Variants in AOPEP observed in about 807,000 individuals in gnomAD.
The protein encoded by AOPEP is aminopeptidase O.
A neutral mutation model predicts 98.1 loss-of-function variants in AOPEP; 77 were observed. The ratio of observed to expected loss-of-function variants is 0.78; its 90% CI spans 0.65 to 0.95. AOPEP has a LOEUF of 0.95. Ranked by LOEUF, AOPEP falls within the 40% of genes least tolerant of loss-of-function variation. The pLI is 0.00. For synonymous variants in AOPEP, 346 were observed against 365.3 expected, an observed-to-expected ratio of 0.95 and a Z score of 0.60; for missense variants, 1,024 against 1,024.7, an observed-to-expected ratio of 1.00 and a Z score of 0.01.
Position 94,759,739 on chromosome 9 carries a change from C to A in AOPEP, c.-45C>A, listed in dbSNP as rs1010455204. 1.2e-5 allele frequency: 17 copies of A among 1,443,182 alleles called. No homozygotes were observed. The highest frequency in any genetic ancestry group is 1.5e-5 in the Non-Finnish European group (16 of 1,049,548). The allele number at this position is 1,443,182 out of a possible 1,614,324, so 89.4% of individuals were successfully genotyped here. ...CTGGAAGATTAAGGCAGATAGGAAACCCCATCTGAGATTTTAATAAATCCC... is the reference window on the plus strand; with the variant it reads ...CTGGAAGATTAAGGCAGATAGGAAAACCCATCTGAGATTTTAATAAATCCC... On this transcript the variant is annotated 5_prime_UTR_variant, in exon 2 of 17. Coordinates refer to ENST00000375315, the MANE Select transcript of AOPEP (RefSeq NM_001193329.3).
At chr9:95,010,083 A>G (rs543056525) in intron 13 of AOPEP, among the ~76,000 whole-genome samples, 1 of 152,202 alleles carries the variant, frequency 6.6e-6, no homozygotes, top group Non-Finnish European at 1.5e-5. Context: ...ATTCAGATTT[A>G]AAAAATTGTA....
intron 13 of AOPEP, among the ~76,000 whole-genome samples, chr9:95,045,098 G>T (rs546204238): frequency 7.9e-5 from 12 of 152,228 alleles, no homozygotes; most frequent in Non-Finnish European, 1.5e-4. Context: ...GCGTCACAGC[G>T]CTTGTGCCCA....
At chr9:95,043,459 A>G (rs995351581) in intron 13 of AOPEP, among the ~76,000 whole-genome samples, 13 of 152,266 alleles carry the variant, frequency 8.5e-5, no homozygotes, top group African/African-American at 2.9e-4. Flanking sequence ...TTTGAAGGAA[A>G]TTGGCATTTC....
chr9:95,101,683 G>A, the AOPEP span: 33 of 1,612,720 alleles, frequency 2.0e-5, 1 homozygote, highest in South Asian at 3.4e-4. Context: ...CTCACGCCGG[G>A]CACCCACACG....
intron 14 of AOPEP, among the ~76,000 whole-genome samples, chr9:95,077,580 ACTGGACAGCTGT>A (rs1471181599): frequency 6.6e-6 from 1 of 152,212 alleles, no homozygotes; most frequent in Non-Finnish European, 1.5e-5. Flanking sequence ...AGACCTCTAG[ACTGGACAGCTGT>A]CCTCTGGTGG....
intron 5 of AOPEP, among the ~76,000 whole-genome samples, chr9:94,826,148 C>T (rs868354027): frequency 1.6e-4 from 25 of 152,144 alleles, no homozygotes; most frequent in African/African-American, 6.0e-4. Flanking sequence ...GGGCAGGGCA[C>T]CAGAACATGC....
intron 7 of AOPEP, among the ~76,000 whole-genome samples, chr9:94,953,912 G>T (rs2058280794): frequency 6.6e-6 from 1 of 152,088 alleles, no homozygotes; most frequent in Non-Finnish European, 1.5e-5. Context: ...TGGCCCAAAG[G>T]ATCTGTTACA....
At chr9:94,889,415 A>T (rs534463401) in intron 5 of AOPEP, among the ~76,000 whole-genome samples, 61 of 152,344 alleles carry the variant, frequency 4.0e-4, no homozygotes, top group African/African-American at 1.4e-3. Context: ...ACCACCAAAG[A>T]CATTTGGACA....
chr9:94,984,927 G>A (rs549146533), intron 11 of AOPEP, among the ~76,000 whole-genome samples: 152 of 152,324 alleles, frequency 1.0e-3, no homozygotes, highest in African/African-American at 3.6e-3. Context: ...CCACAGGTAC[G>A]GGGCGGGAGT....
intron 5 of AOPEP, among the ~76,000 whole-genome samples, chr9:94,906,647 A>T (rs1173140219): frequency 1.3e-5 from 2 of 152,072 alleles, no homozygotes; most frequent in African/African-American, 4.8e-5. Context: ...CAATCTGGGT[A>T]ACAGAGTGAG....
chr9:94,932,934 G>A (rs1290911006), intron 7 of AOPEP: 10 of 985,280 alleles, frequency 1.0e-5, no homozygotes, highest in Non-Finnish European at 1.2e-5. Flanking sequence ...GTGGCTACAG[G>A]CTTCTGAGGC....
At chr9:94,870,092 G>T (rs1172699675) in intron 5 of AOPEP, among the ~76,000 whole-genome samples, 1 of 148,824 alleles carries the variant, frequency 6.7e-6, no homozygotes, top group Non-Finnish European at 1.5e-5. Context: ...GGGTTCAAGC[G>T]ATTCTCCTGC....
chr9:94,839,223 C>CT (rs893868060), intron 5 of AOPEP, among the ~76,000 whole-genome samples: 12 of 151,904 alleles, frequency 7.9e-5, no homozygotes, highest in African/African-American at 2.9e-4. Context: ...GTAGGTGGGA[C>CT]TACAGGCGCC....
chr9:95,014,680 G>A (rs1399386738), intron 13 of AOPEP, among the ~76,000 whole-genome samples: 1 of 152,078 alleles, frequency 6.6e-6, no homozygotes, highest in East Asian at 1.9e-4. Context: ...AGGAAGTGGC[G>A]CTTTCTGAAG....
At chr9:95,111,261 T>C in the AOPEP span, 2 of 1,546,324 alleles carry the variant, frequency 1.3e-6, no homozygotes, top group Non-Finnish European at 8.7e-7. Flanking sequence ...GTCTCGTCTC[T>C]GGCCACCTCG....
chr9:94,872,839 T>G (rs2135668967), intron 5 of AOPEP, among the ~76,000 whole-genome samples: 1 of 152,260 alleles, frequency 6.6e-6, no homozygotes, highest in East Asian at 1.9e-4. Context: ...CTTAAAACTT[T>G]AAGGAAAATA....
chr9:94,959,107 G>A (rs113828090), intron 9 of AOPEP, among the ~76,000 whole-genome samples: 9,625 of 151,854 alleles, frequency 0.063, 888 homozygotes, highest in African/African-American at 0.2. Flanking sequence ...GCAGTGGCGC[G>A]GTCTCGGCTC....
At chr9:94,867,231 A>G (rs563107883) in intron 5 of AOPEP, among the ~76,000 whole-genome samples, 1 of 152,338 alleles carries the variant, frequency 6.6e-6, no homozygotes, top group South Asian at 2.1e-4. Flanking sequence ...CACTTAACAA[A>G]ATTTTATACA....
At chr9:94,933,417 T>C in intron 7 of AOPEP, 1 of 985,464 alleles carries the variant, frequency 1.0e-6, no homozygotes, top group Non-Finnish European at 1.2e-6. Context: ...CTGGATTCAT[T>C]GTTAAATTCA....
Sources: gnomAD v4.1 joint callset for allele counts (sites outside exome capture counted in the v4.1 genomes callset) on GRCh38, gnomAD v4.1.1 for gene constraint, MANE v1.5 for transcripts, NCBI Gene and HGNC (gene_info 2026-07-23, HGNC 2026-07-21) for gene names.